Variants in PDE1A observed in about 807,000 individuals in gnomAD.
The protein encoded by PDE1A is phosphodiesterase 1A, also known as dual specificity calcium/calmodulin-dependent 3',5'-cyclic nucleotide phosphodiesterase 1A.
In PDE1A, 35 loss-of-function variants were observed where a neutral mutation model predicts 61.7. That is an observed-to-expected ratio of 0.57 (90% confidence interval 0.43 to 0.75). The LOEUF (loss-of-function observed/expected upper bound fraction) is 0.75, where lower values mean the gene tolerates loss of function less well. PDE1A is among the 30% of genes least tolerant of loss of function. The probability of loss-of-function intolerance (pLI) is 0.00; values close to 1 mark genes in which losing one functional copy is unlikely to be tolerated. For missense variants in PDE1A, 597 were observed against 630.6 expected, an observed-to-expected ratio of 0.95 and a Z score of 0.57; for synonymous variants, 232 against 213.2, an observed-to-expected ratio of 1.09 and a Z score of -0.77.
intron 2 of PDE1A, among the ~76,000 whole-genome samples, chr2:182,511,160 T>A (rs4629124): frequency 0.34 from 50,938 of 151,306 alleles, 9,100 homozygotes; most frequent in Middle Eastern, 0.41. Flanking sequence ...GATAAGAAAA[T>A]TGAGGAATTG....
At chr2:182,283,114 T>TA (rs1238576041) in intron 1 of PDE1A, among the ~76,000 whole-genome samples, 1 of 152,052 alleles carries the variant, frequency 6.6e-6, no homozygotes, top group Non-Finnish European at 1.5e-5. Flanking sequence ...TTTCAAATCT[T>TA]AAAGTATAAA....
chr2:182,645,987 T>C, the PDE1A span, among the ~76,000 whole-genome samples: 8 of 152,184 alleles, frequency 5.3e-5, no homozygotes, highest in African/African-American at 1.7e-4. Context: ...GGGAAGGAAA[T>C]GTCATATTTT....
chr2:182,457,985 C>T (rs1686034006), intron 2 of PDE1A, among the ~76,000 whole-genome samples: 1 of 151,988 alleles, frequency 6.6e-6, no homozygotes, highest in Non-Finnish European at 1.5e-5. Flanking sequence ...GCCAAAATTT[C>T]TATACATCCT....
intron 2 of PDE1A, among the ~76,000 whole-genome samples, chr2:182,514,071 C>T (rs988739414): frequency 1.3e-5 from 2 of 152,138 alleles, no homozygotes; most frequent in Non-Finnish European, 2.9e-5. Flanking sequence ...GACGCAATCC[C>T]ATTCACAATA....
In PDE1A at chr2:182,478,861, A is replaced by T. The variant is rs116763941; in HGVS notation, c.101+43415T>A. 8.8e-3 allele frequency among the ~76,000 whole-genome samples: 1,331 copies of T among 152,036 alleles called. 9 individuals are homozygous for T. The highest frequency in any genetic ancestry group is 0.015 in the Non-Finnish European group (1,001 of 67,902). ...AATGAAGGGGTTATAAATCTAGCTT[A>T]TGACTTTAAAAAGGTTACTAGACCC... On this transcript the variant is annotated intron_variant, in intron 2 of 14. Coordinates refer to the PDE1A transcript ENST00000410103.
chr2:182,202,463 A>AGAC (rs1378725602), intron 8 of PDE1A, among the ~76,000 whole-genome samples: 3 of 152,216 alleles, frequency 2.0e-5, no homozygotes, highest in Non-Finnish European at 4.4e-5. Context: ...ATGTATACAA[A>AGAC]GACATTTAAT....
chr2:182,436,709 T>C (rs1684444803), intron 2 of PDE1A, among the ~76,000 whole-genome samples: 1 of 152,022 alleles, frequency 6.6e-6, no homozygotes, highest in Non-Finnish European at 1.5e-5. Flanking sequence ...CAGTTAATTC[T>C]ACATAACACA....
chr2:182,219,182 C>T (rs1019200814), intron 7 of PDE1A, among the ~76,000 whole-genome samples: 1 of 151,954 alleles, frequency 6.6e-6, no homozygotes, highest in African/African-American at 2.4e-5. Context: ...TTAAAGAAAA[C>T]TTAAAATGTA....
the PDE1A span, among the ~76,000 whole-genome samples, chr2:182,665,204 T>C: frequency 6.6e-6 from 1 of 151,986 alleles, no homozygotes; most frequent in Non-Finnish European, 1.5e-5. Flanking sequence ...TGTACATGCT[T>C]ACAAAAACAA....
intron 13 of PDE1A, among the ~76,000 whole-genome samples, chr2:182,157,976 T>C (rs983490681): frequency 6.6e-6 from 1 of 152,182 alleles, no homozygotes; most frequent in Non-Finnish European, 1.5e-5. Context: ...TAACCTGGGG[T>C]GAGAAAGTCT....
intron 2 of PDE1A, among the ~76,000 whole-genome samples, chr2:182,261,227 C>T (rs1464384940): frequency 6.6e-6 from 1 of 152,150 alleles, no homozygotes; most frequent in Non-Finnish European, 1.5e-5. Flanking sequence ...GGAAGGAGTA[C>T]TAAATAAGAA....
intron 1 of PDE1A, among the ~76,000 whole-genome samples, chr2:182,267,603 T>C (rs1456977668): frequency 6.6e-6 from 1 of 152,162 alleles, no homozygotes; most frequent in Non-Finnish European, 1.5e-5. Flanking sequence ...GGAAAACCTT[T>C]ATATTGTAAA....
the PDE1A span, among the ~76,000 whole-genome samples, chr2:182,602,928 A>G: frequency 6.6e-6 from 1 of 152,304 alleles, no homozygotes; most frequent in Admixed American, 6.5e-5. Flanking sequence ...ATATCAACTC[A>G]GTTGATCTAG....
chr2:182,533,306 G>A, the PDE1A span, among the ~76,000 whole-genome samples: 2 of 152,228 alleles, frequency 1.3e-5, no homozygotes, highest in African/African-American at 4.8e-5. Context: ...GCGAGACCCT[G>A]TCTCAGAAAA....
Position 182,266,034 on chromosome 2 carries a change from T to G in PDE1A, c.54-1620A>C, listed in dbSNP as rs2623417. Among the ~76,000 whole-genome samples the G allele has an allele frequency of 3.3e-3, 495 of 152,212 alleles. 2 individuals carry two copies. The highest frequency in any genetic ancestry group is 0.012 in the African/African-American group (479 of 41,564). On this transcript the variant is annotated intron_variant, in intron 1 of 13. Transcript: ENST00000351439. ...AAGGTATTTGACATTTCTCCACCCA[T>G]AAGCAATAGTTCATTTCTCTATGGG... is the stretch of plus-strand genomic sequence containing the variant.
chr2:182,284,521 AATGAGT>A (rs750234676), intron 1 of PDE1A, among the ~76,000 whole-genome samples: 97 of 152,246 alleles, frequency 6.4e-4, no homozygotes, highest in Non-Finnish European at 1.1e-3. Flanking sequence ...TTTGGAGGGA[AATGAGT>A]ATAAGTTGAA....
At chr2:182,714,311 C>CTGCACACT in the PDE1A span, among the ~76,000 whole-genome samples, 4 of 152,264 alleles carry the variant, frequency 2.6e-5, no homozygotes, top group South Asian at 8.3e-4. Context: ...TTTACTTATT[C>CTGCACACT]TGCACACTTT....
chr2:182,171,816 T>C (rs2125327856), intron 13 of PDE1A, among the ~76,000 whole-genome samples: 1 of 151,342 alleles, frequency 6.6e-6, no homozygotes, highest in Middle Eastern at 3.4e-3. Flanking sequence ...ATACCTTGTA[T>C]CCAAAGACTT....
chr2:182,189,281 T>C (rs556944038), intron 10 of PDE1A, among the ~76,000 whole-genome samples: 2 of 152,354 alleles, frequency 1.3e-5, no homozygotes, highest in African/African-American at 4.8e-5. Context: ...AGGAATGTTT[T>C]CAGTACCTGG....
Sources: allele counts gnomAD v4.1 joint callset (sites outside exome capture counted in the v4.1 genomes callset), GRCh38; gene constraint gnomAD v4.1.1; transcripts MANE v1.5; gene names NCBI Gene and HGNC (gene_info 2026-07-23, HGNC 2026-07-21).